ATP13A3: variants seen among roughly 807,000 people sequenced by gnomAD.
ATP13A3 encodes the protein polyamine-transporting ATPase 13A3.
In ATP13A3, 59 loss-of-function variants were observed where a neutral mutation model predicts 158.1. That is an observed-to-expected ratio of 0.37 (90% CI 0.30 to 0.46). The LOEUF (loss-of-function observed/expected upper bound fraction) is 0.46. Ranked by LOEUF, ATP13A3 falls within the 20% of genes least tolerant of loss-of-function variation. The pLI is 1.00. For missense variants in ATP13A3, 1,166 were observed against 1,525.2 expected (o/e 0.76, Z 3.92); for synonymous variants, 491 against 504.3 (o/e 0.97, Z 0.35).
At chr3:194,481,224 A>G (rs1720735468) in intron 2 of ATP13A3, among the ~76,000 whole-genome samples, 2 of 117,928 alleles carry the variant, frequency 1.7e-5, no homozygotes, top group Non-Finnish European at 1.6e-5. Context: ...TCACAAATGG[A>G]AAAAAAAAAA....
intron 8 of ATP13A3, among the ~76,000 whole-genome samples, chr3:194,455,618 C>A (rs1185213532): frequency 6.6e-6 from 1 of 152,166 alleles, no homozygotes; most frequent in Non-Finnish European, 1.5e-5. Flanking sequence ...ACAACTAATT[C>A]TTGAGCTTTA....
intron 2 of ATP13A3, among the ~76,000 whole-genome samples, chr3:194,475,566 T>C (rs1720491154): frequency 6.6e-6 from 1 of 151,790 alleles, no homozygotes; most frequent in South Asian, 2.1e-4. Flanking sequence ...CCGTAACATT[T>C]ACATTCAACA....
chr3:194,460,076 A>C, intron 4 of ATP13A3, 105 bp from the exon 5 acceptor site: 1 of 938,316 alleles, frequency 1.1e-6, no homozygotes, highest in Non-Finnish European at 1.6e-6. Flanking sequence ...CTCATCTCTA[A>C]TTGAGGAAAC....
Position 194,462,170 on chromosome 3 carries a change from C to A in ATP13A3, c.21G>T (p.Lys7Asn), listed in dbSNP as rs193097657. MDREER[K>N]TINQGQEDEM... ...CATCTTCTTGACCCTGATTGATGGTCTTCCTTTCTTCCCTGTCCATACCTA... is the reference window on the plus strand; with the variant it reads ...CATCTTCTTGACCCTGATTGATGGTATTCCTTTCTTCCCTGTCCATACCTA... The change falls in exon 3 of 34, where the codon AAG becomes AAT. Residue 7 changes from lysine (K) to asparagine (N), a missense_variant. Lys to Asn is a moderately conservative substitution (Grantham distance 94). Coordinates refer to ENST00000645319, the MANE Select transcript of ATP13A3 (RefSeq NM_001367549.1). 1.6e-5 allele frequency: 26 copies of A among 1,614,092 alleles called. No individual in the cohort carries two copies. The East Asian group carries it at 5.3e-4, about 33-fold the overall frequency.
intron 2 of ATP13A3, among the ~76,000 whole-genome samples, chr3:194,469,529 G>T (rs1720200313): frequency 6.6e-6 from 1 of 152,072 alleles, no homozygotes; most frequent in Admixed American, 6.5e-5. Flanking sequence ...TTTCTCAATG[G>T]TGTTTAAGTT....
In ATP13A3 at chr3:194,454,399, A is replaced by G; in HGVS notation, c.631-7T>C. 6.2e-7 allele frequency: 1 copy of G among 1,607,392 alleles called. No homozygotes were observed. Among genetic ancestry groups the G allele is most frequent in the East Asian group, 2.2e-5 (1 of 44,818 alleles). ...TGTAAAATGGGTTGAGAACCTAAAA[A>G]ACAAGATTTTAAAGTCAAACTGAAT... is the stretch of plus-strand genomic sequence containing the variant. On this transcript the variant is annotated splice_region_variant and splice_polypyrimidine_tract_variant and intron_variant, in intron 8 of 33. Transcript: ENST00000645319.
intron 2 of ATP13A3, among the ~76,000 whole-genome samples, chr3:194,463,597 C>T (rs1719807147): frequency 6.6e-6 from 1 of 152,154 alleles, no homozygotes; most frequent in South Asian, 2.1e-4. Context: ...AGGCTGATCT[C>T]ACAGTAGGAC....
intron 7 of ATP13A3, among the ~76,000 whole-genome samples, 198 bp downstream of exon 7, chr3:194,456,896 A>G (rs1176503418): frequency 6.6e-6 from 1 of 152,176 alleles, no homozygotes; most frequent in Non-Finnish European, 1.5e-5. Flanking sequence ...CCAACTTCAA[A>G]ATATCAGCTT....
chr3:194,441,568 C>G (rs1413961715), intron 15 of ATP13A3, 107 bp from the exon 16 acceptor site: 3 of 972,642 alleles, frequency 3.1e-6, no homozygotes, highest in Non-Finnish European at 4.5e-6. Flanking sequence ...TTTTAAATCC[C>G]AATCTGAGCT....
At chr3:194,422,454 A>G (rs1487762169) in intron 30 of ATP13A3, among the ~76,000 whole-genome samples, 1 of 152,230 alleles carries the variant, frequency 6.6e-6, no homozygotes, top group African/African-American at 2.4e-5. Context: ...AGATTGTTTT[A>G]GATTGATTCT....
intron 2 of ATP13A3, among the ~76,000 whole-genome samples, chr3:194,479,674 T>G (rs887615985): frequency 6.6e-6 from 1 of 151,980 alleles, no homozygotes; most frequent in Admixed American, 6.6e-5. Context: ...GTCACAAAAT[T>G]GAAATATAAT....
chr3:194,459,706 C>T, intron 5 of ATP13A3, 83 bp downstream of exon 5: 1 of 1,432,578 alleles, frequency 7.0e-7, no homozygotes, highest in Non-Finnish European at 9.5e-7. Context: ...TAACTGCAAA[C>T]ACAAAATTAT....
chr3:194,419,324 G>A (rs1716120376), intron 31 of ATP13A3, among the ~76,000 whole-genome samples: 1 of 152,136 alleles, frequency 6.6e-6, no homozygotes, highest in African/African-American at 2.4e-5. Context: ...GTGCCTTATT[G>A]ATTGGTAACG....
intron 15 of ATP13A3, among the ~76,000 whole-genome samples, chr3:194,443,874 T>A (rs1270216631): frequency 6.6e-6 from 1 of 151,942 alleles, no homozygotes; most frequent in Admixed American, 6.6e-5. Flanking sequence ...AAAAAAGACC[T>A]CTAACAAATA....
rs547892407 is a variant in ATP13A3 at position 194,405,024 on chromosome 3, T to C, written c.*895A>G. The C allele has an allele frequency of 2.0e-5, 3 of 152,038 alleles. No homozygotes were observed. The highest frequency in any genetic ancestry group is 2.9e-5 in the Non-Finnish European group (2 of 67,998). The allele number at this position is 152,038 out of a possible 1,614,324, so 9.4% of individuals were successfully genotyped here. On this transcript the variant is annotated 3_prime_UTR_variant, in exon 34 of 34. Coordinates refer to ENST00000645319, the MANE Select transcript of ATP13A3 (RefSeq NM_001367549.1). ...CTATGTCTTTAGGTAATTGAAAACA[T>C]AGAAGAAAATTTTAAAAAACCATTT...
At chr3:194,475,772 A>G (rs1039663169) in intron 2 of ATP13A3, among the ~76,000 whole-genome samples, 4 of 152,138 alleles carry the variant, frequency 2.6e-5, no homozygotes, top group Non-Finnish European at 4.4e-5. Flanking sequence ...TTTAGGCACT[A>G]TAACAACCAC....
In ATP13A3 at chr3:194,438,976, GA is replaced by G. The variant is rs554326065; in HGVS notation, c.1711-5del. 2.0e-3 allele frequency: 2,587 copies of G among 1,318,250 alleles called. No individual in the cohort carries two copies. Among genetic ancestry groups the G allele is most frequent in the South Asian group, 3.4e-3 (236 of 68,906 alleles). 81.7% of individuals were successfully genotyped at this position (1,318,250 alleles called of 1,614,324 possible). ...CTTCAGTTGCTTCTTCCAGAATCTG[GA>G]AAAAAAAAAGAGACAAAAAAAAACA... On this transcript the variant is annotated splice_region_variant and splice_polypyrimidine_tract_variant and intron_variant, in intron 16 of 33. Coordinates refer to ENST00000645319, the MANE Select transcript of ATP13A3 (RefSeq NM_001367549.1).
intron 2 of ATP13A3, 110 bp from the exon 3 acceptor site, chr3:194,462,346 C>T (rs1182671414): frequency 4.4e-6 from 3 of 677,564 alleles, no homozygotes; most frequent in African/African-American, 3.6e-5. Flanking sequence ...ACCCCTGGGT[C>T]ACGGACCTGT....
At chr3:194,436,780 G>A (rs754124755) in intron 20 of ATP13A3, among the ~76,000 whole-genome samples, 9 of 152,164 alleles carry the variant, frequency 5.9e-5, no homozygotes, top group Non-Finnish European at 1.0e-4. Flanking sequence ...CCGGGGAGGT[G>A]GAGGTTGCAG....
Sources: allele counts gnomAD v4.1 joint callset (sites outside exome capture counted in the v4.1 genomes callset), GRCh38; gene constraint gnomAD v4.1.1; transcripts MANE v1.5; gene names NCBI Gene and HGNC (gene_info 2026-07-23, HGNC 2026-07-21).